The following IL5RA variants were observed in gnomAD, a reference collection of about 807,000 sequenced individuals.
IL5RA encodes the protein interleukin 5 receptor subunit alpha, also known as interleukin-5 receptor subunit alpha.
A neutral mutation model predicts 50.0 loss-of-function variants in IL5RA; 49 were observed. The observed-to-expected ratio is 0.98, with a 90% confidence interval of 0.78 to 1.24. The LOEUF (loss-of-function observed/expected upper bound fraction) is 1.24, where lower values mean the gene tolerates loss of function less well. IL5RA is among the 50% of genes most tolerant of loss of function. The pLI, the probability that IL5RA is intolerant of heterozygous loss-of-function variation, is 0.00. For missense variants in IL5RA, 600 were observed against 500.4 expected, an observed-to-expected ratio of 1.20 and a Z score of -1.90; for synonymous variants, 202 against 174.0, an observed-to-expected ratio of 1.16 and a Z score of -1.26.
chr3:3,084,212 A>T (rs163552), intron 9 of IL5RA, among the ~76,000 whole-genome samples: 21,380 of 152,226 alleles, frequency 0.14, 1,609 homozygotes, highest in East Asian at 0.28. Flanking sequence ...CAGTGCTGGT[A>T]CACAGGTGCT....
rs1267800980 is a variant in IL5RA, at chr3:3,069,685, T to TAGAAAA, written c.*534_*539dup. 6 of 151,798 alleles carry TAGAAAA rather than the reference T, an allele frequency of 4.0e-5. No individual in the cohort carries two copies. Among genetic ancestry groups the TAGAAAA allele is most frequent in the African/African-American group, 1.5e-4 (6 of 40,926 alleles). 9.4% of individuals were successfully genotyped at this position (151,798 alleles called of 1,614,324 possible). ...CATACACACACATACACAATCTACC[T>TAGAAAA]AGAAAAAGATCATTCTAGAATGTAG... On this transcript the variant is annotated 3_prime_UTR_variant, in exon 12 of 12. Transcript: ENST00000446632.
chr3:3,094,962 G>A (rs1424936016), intron 8 of IL5RA, among the ~76,000 whole-genome samples: 2 of 152,116 alleles, frequency 1.3e-5, no homozygotes, highest in Non-Finnish European at 2.9e-5. Context: ...CCTGGTCTCA[G>A]GTGATCCACC....
intron 2 of IL5RA, among the ~76,000 whole-genome samples, chr3:3,106,908 A>G (rs1703949852): frequency 6.6e-6 from 1 of 152,192 alleles, no homozygotes; most frequent in African/African-American, 2.4e-5. Flanking sequence ...ATGTACTTGT[A>G]AAAGCAATAA....
chr3:3,075,203 C>CTTTTTTTTTTTTTTTTTTTT (rs10642608), intron 10 of IL5RA, among the ~76,000 whole-genome samples: 1 of 69,940 alleles, frequency 1.4e-5, no homozygotes, highest in Non-Finnish European at 2.5e-5. Context: ...AGTTTACTTA[C>CTTTTTTTTTTTTTTTTTTTT]TTTTTTTTTT....
rs546559924 is a variant in IL5RA, at chr3:3,097,871, A to G, written c.708T>C (p.Ile236=). ...AGCTTTGGGTTAAGTCGGTCTTACC[A>G]ATGGCGTGAAGGGCAAACAGCTGAT... ...PFDQLFALHA[I]DQINPPLNVT... is the part of the protein sequence containing the mutation. Residue 236 remains isoleucine, a splice_region_variant and synonymous_variant, in exon 7 of 12, where the codon ATT becomes ATC. Transcript: ENST00000446632. 1.2e-5 allele frequency: 19 copies of G among 1,612,058 alleles called. No individual in the cohort carries two copies. Among genetic ancestry groups the G allele is most frequent in the Middle Eastern group, 1.6e-4 (1 of 6,072 alleles).
chr3:3,107,221 T>C (rs1276592342), intron 2 of IL5RA, among the ~76,000 whole-genome samples: 17 of 149,774 alleles, frequency 1.1e-4, no homozygotes, highest in African/African-American at 4.2e-4. Context: ...AGGTACTCAG[T>C]AGGGGTCTAA....
rs138730466 is a variant in IL5RA, at chr3:3,102,693, G to A, written c.210C>T (p.Asn70=). 1.4e-4 allele frequency: 229 copies of A among 1,597,662 alleles called. No homozygotes were observed. The highest frequency in any genetic ancestry group is 5.6e-4 in the East Asian group (25 of 44,300). ...CACTTACGTCATCTTCTTTTGGAGCGTTTATTTTCACTTGATATTCTAGAT... is the reference window on the plus strand; with the variant it reads ...CACTTACGTCATCTTCTTTTGGAGCATTTATTTTCACTTGATATTCTAGAT... ...NVNLEYQVKI[N]APKEDDYETR... is the part of the protein sequence containing the mutation. The change falls in exon 4 of 12, where the codon AAC becomes AAT. Residue 70 remains asparagine, a synonymous_variant. Coordinates refer to ENST00000446632, the MANE Select transcript of IL5RA (RefSeq NM_175726.4).
In IL5RA at chr3:3,104,949, C is replaced by A. The variant is rs1022045648; in HGVS notation, c.36G>T (p.Leu12Phe). Reference sequence around the variant, plus strand: ...CAGCTTGCAGTATCTCAGTGGCCCCCAAAAGGATGAGTAATACATGCGCCA... The same window carrying A: ...CAGCTTGCAGTATCTCAGTGGCCCCAAAAAGGATGAGTAATACATGCGCCA... ...IIVAHVLLIL[L>F]GATEILQADL... The change falls in exon 3 of 12, where the codon TTG becomes TTT. Residue 12 changes from leucine to phenylalanine, a missense_variant. Physicochemically the swap from Leu to Phe is conservative, Grantham distance 22 (BLOSUM62 0). Transcript: ENST00000446632. 1 of 1,612,958 alleles carries A rather than the reference C, an allele frequency of 6.2e-7. No homozygotes were observed. Among genetic ancestry groups the A allele is most frequent in the Non-Finnish European group, 8.5e-7 (1 of 1,179,268 alleles).
At chr3:3,106,038 C>A (rs1380153752) in intron 2 of IL5RA, among the ~76,000 whole-genome samples, 1 of 152,114 alleles carries the variant, frequency 6.6e-6, no homozygotes, top group Non-Finnish European at 1.5e-5. Flanking sequence ...GGCTGTTATA[C>A]ATGATGGAAA....
At chr3:3,091,067 A>G (rs1391244387) in intron 9 of IL5RA, among the ~76,000 whole-genome samples, 3 of 152,100 alleles carry the variant, frequency 2.0e-5, no homozygotes, top group Non-Finnish European at 4.4e-5. Context: ...AGTCCATTTG[A>G]TCGTAACATA....
At position 3,102,676 on chromosome 3, in the gene IL5RA, T is replaced by G. The variant is rs1158059373; in HGVS notation, c.227A>C (p.Asp76Ala). 4.4e-6 allele frequency: 7 copies of G among 1,580,888 alleles called. No individual in the cohort carries two copies. Among genetic ancestry groups the G allele is most frequent in the Non-Finnish European group, 6.0e-6 (7 of 1,157,090 alleles). The change falls in exon 4 of 12, where the codon GAC becomes GCC. Residue 76 changes from aspartate to alanine, a missense_variant and splice_region_variant. Transcript: ENST00000446632. The stretch of plus-strand genomic sequence containing the variant: ...ATATCCATTAGAATAAACACTTACG[T>G]CATCTTCTTTTGGAGCGTTTATTTT... ...QVKINAPKED[D>A]YETRITESKC...
chr3:3,098,084 T>C, intron 6 of IL5RA, 27 bp from the exon 7 acceptor site: 4 of 1,614,046 alleles, frequency 2.5e-6, no homozygotes, highest in Non-Finnish European at 3.4e-6. Context: ...ACGAGTGTTA[T>C]GAGGTTGCAG....
chr3:3,099,266 C>T (rs756365483), intron 5 of IL5RA, among the ~76,000 whole-genome samples: 16 of 152,246 alleles, frequency 1.1e-4, no homozygotes, highest in East Asian at 1.9e-4. Flanking sequence ...GAGGCCAAGG[C>T]GGGTGGATAT....
chr3:3,069,584 T>C lies in IL5RA; in HGVS notation c.*641A>G, dbSNP rs937999316. 1.3e-5 allele frequency: 2 copies of C among 152,032 alleles called. No individual in the cohort carries two copies. Among genetic ancestry groups the C allele is most frequent in the African/African-American group, 4.8e-5 (2 of 41,346 alleles). The allele number at this position is 152,032 out of a possible 1,614,324, so 9.4% of individuals were successfully genotyped here. On this transcript the variant is annotated 3_prime_UTR_variant, in exon 12 of 12. Coordinates refer to ENST00000446632, the MANE Select transcript of IL5RA (RefSeq NM_175726.4). ...TCTATTATGCTTTTAAATTAGTTGG[T>C]TTCAAATGATGTATCCTGGATCAGG...
chr3:3,071,764 A>G (rs1229640149), intron 11 of IL5RA, among the ~76,000 whole-genome samples: 2 of 151,766 alleles, frequency 1.3e-5, no homozygotes, highest in Non-Finnish European at 2.9e-5. Flanking sequence ...TAATTTTTGT[A>G]TTTTTTGCAG....
chr3:3,078,368 C>T (rs573833371), intron 9 of IL5RA, among the ~76,000 whole-genome samples: 3 of 152,252 alleles, frequency 2.0e-5, no homozygotes, highest in African/African-American at 7.2e-5. Flanking sequence ...TCCTGAGGAC[C>T]CTTATCCAAG....
Position 3,073,945 on chromosome 3 carries a change from CAAAT to C in IL5RA, c.1176+833_1176+836del, listed in dbSNP as rs374763615. On this transcript the variant is annotated intron_variant, in intron 11 of 11. Coordinates refer to ENST00000446632, the MANE Select transcript of IL5RA (RefSeq NM_175726.4). ...AGTATTGTATTGGCATAAAGATAGA[CAAAT>C]AGATCGATAAAACCAATCAGATAGT... 2.5e-3 allele frequency: 642 copies of C among 261,414 alleles called. 4 individuals are homozygous for C. Among genetic ancestry groups the C allele is most frequent in the African/African-American group, 0.013 (580 of 43,320 alleles). 16.2% of individuals were successfully genotyped at this position (261,414 alleles called of 1,614,324 possible). A position where few individuals can be genotyped will look rare whatever the true frequency, so the allele number is the denominator to read the frequency against.
intron 2 of IL5RA, among the ~76,000 whole-genome samples, chr3:3,106,937 C>A (rs986449034): frequency 6.6e-6 from 1 of 151,982 alleles, no homozygotes; most frequent in Non-Finnish European, 1.5e-5. Flanking sequence ...TTATCCTTTG[C>A]AATTAAATTG....
At chr3:3,082,842 T>G (rs1702715424) in intron 9 of IL5RA, among the ~76,000 whole-genome samples, 1 of 152,238 alleles carries the variant, frequency 6.6e-6, no homozygotes, top group Non-Finnish European at 1.5e-5. Context: ...GAATTTGATT[T>G]GGAAGCCTGT....
Sources: allele counts gnomAD v4.1 joint callset (sites outside exome capture counted in the v4.1 genomes callset), GRCh38; gene constraint gnomAD v4.1.1; transcripts MANE v1.5; gene names NCBI Gene and HGNC (gene_info 2026-07-23, HGNC 2026-07-21).